Variants in UVSSA observed in about 807,000 individuals in gnomAD.
UVSSA encodes the protein UV stimulated scaffold protein A.
UVSSA carries 72 observed loss-of-function variants against 73.9 expected under a neutral mutation model. The ratio of observed to expected loss-of-function variants is 0.97; its 90% CI spans 0.81 to 1.19. UVSSA has a LOEUF of 1.19. UVSSA is among the 50% of genes most tolerant of loss of function. The pLI is 0.00. For synonymous variants in UVSSA, 454 were observed against 391.3 expected, an observed-to-expected ratio of 1.16 and a Z score of -1.89; for missense variants, 1,150 against 965.0, an observed-to-expected ratio of 1.19 and a Z score of -2.54.
chr4:1,395,343 G>T (rs1157584061), exon 14 of UVSSA: 2 of 1,543,122 alleles, frequency 1.3e-6, no homozygotes, highest in Non-Finnish European at 1.7e-6. Flanking sequence ...CCGATGTGGG[G>T]TGCCCGCCTG....
intron 8 of UVSSA, among the ~76,000 whole-genome samples, chr4:1,374,155 G>A (rs187300344): frequency 2.0e-5 from 3 of 152,292 alleles, no homozygotes; most frequent in East Asian, 3.9e-4. Context: ...GCTTCCCTGC[G>A]GTCCAGGTTC....
Position 1,360,517 on chromosome 4 carries a change from C to A in UVSSA, c.1176+5272C>A, listed in dbSNP as rs369804724. The stretch of plus-strand genomic sequence containing the variant: ...CCCGGCCTCCTTGTCCAGGCCTGGC[C>A]TCCTGATGAATGTAAGTGCGCCTGA... On this transcript the variant is annotated intron_variant, in intron 7 of 13. Transcript: ENST00000389851. Among the ~76,000 whole-genome samples, 71 of 152,286 alleles carry A rather than the reference C, an allele frequency of 4.7e-4. No homozygotes were observed. In the Middle Eastern group the frequency reaches 0.01, roughly 22 times the overall value.
In UVSSA at chr4:1,349,521, C is replaced by T; in HGVS notation, c.99-3C>T. Reference sequence around the variant, plus strand: ...GTTGGGTCAGGCCAGCTCGCATCCCCAGGTCTTCAGAGGAGCAGCTGAGCC... The same window carrying T: ...GTTGGGTCAGGCCAGCTCGCATCCCTAGGTCTTCAGAGGAGCAGCTGAGCC... On this transcript the variant is annotated splice_region_variant and splice_polypyrimidine_tract_variant and intron_variant, in intron 2 of 13. Coordinates refer to ENST00000389851, the MANE Select transcript of UVSSA (RefSeq NM_020894.4). 1 of 1,611,062 alleles carries T rather than the reference C, an allele frequency of 6.2e-7. No individual in the cohort carries two copies. The highest frequency in any genetic ancestry group is 8.5e-7 in the Non-Finnish European group (1 of 1,178,400).
intron 8 of UVSSA, among the ~76,000 whole-genome samples, chr4:1,369,251 G>C (rs1200224404): frequency 2.0e-5 from 3 of 152,368 alleles, no homozygotes; most frequent in South Asian, 4.1e-4. Context: ...ACCAGCCCCA[G>C]GCGAGGGCTG....
chr4:1,370,259 G>A (rs867026547), intron 8 of UVSSA, among the ~76,000 whole-genome samples: 1 of 152,172 alleles, frequency 6.6e-6, no homozygotes, highest in African/African-American at 2.4e-5. Flanking sequence ...GAGCATGTGC[G>A]TGTGTGCGTG....
At chr4:1,395,148 G>C (rs755445494) in exon 14 of UVSSA, 1 of 1,296,514 alleles carries the variant, frequency 7.7e-7, no homozygotes, top group South Asian at 1.2e-5. Flanking sequence ...CTGCTCACAC[G>C]TGCCCATGTG....
chr4:1,375,628 C>T (rs1277373966), intron 9 of UVSSA, 120 bp downstream of exon 9: 19 of 1,458,968 alleles, frequency 1.3e-5, no homozygotes, highest in Non-Finnish European at 1.6e-5. Flanking sequence ...TGGTGGAAGC[C>T]TTGGGTGTGT....
intron 7 of UVSSA, 133 bp downstream of exon 7, chr4:1,355,378 C>G (rs1715561920): frequency 2.3e-6 from 2 of 852,338 alleles, no homozygotes; most frequent in South Asian, 1.8e-5. Context: ...TCAGCCTCAG[C>G]AGGACCTGCC....
intron 7 of UVSSA, among the ~76,000 whole-genome samples, chr4:1,365,006 G>C (rs1334895591): frequency 1.3e-5 from 2 of 152,218 alleles, no homozygotes; most frequent in Admixed American, 1.3e-4. Flanking sequence ...CTGGGCCGTG[G>C]TGGGGCTGTT....
chr4:1,369,358 C>T (rs992650736), intron 8 of UVSSA, among the ~76,000 whole-genome samples: 2 of 152,232 alleles, frequency 1.3e-5, no homozygotes, highest in Admixed American at 1.3e-4. Context: ...ACCCCGGGGG[C>T]CCCAGGAGTG....
chr4:1,358,451 A>G (rs1320022934), intron 7 of UVSSA: 1 of 152,236 alleles, frequency 6.6e-6, no homozygotes, highest in African/African-American at 2.4e-5. Context: ...CTTCTCCGCA[A>G]ACTGGTTTCT....
chr4:1,395,788 G>A (rs746348588), exon 14 of UVSSA: 3 of 1,614,092 alleles, frequency 1.9e-6, no homozygotes, highest in African/African-American at 2.7e-5. Flanking sequence ...ACTCATGGTG[G>A]CTTTTTAATA....
chr4:1,367,476 T>C (rs1560460934), intron 8 of UVSSA, among the ~76,000 whole-genome samples: 1 of 152,096 alleles, frequency 6.6e-6, no homozygotes, highest in Non-Finnish European at 1.5e-5. Flanking sequence ...CCATTAAGGG[T>C]GTCATGCCGA....
At position 1,354,903 on chromosome 4, in the gene UVSSA, TG is replaced by T. The variant is rs33989352; in HGVS notation, c.1047+64del. 148 of 1,465,814 alleles carry T rather than the reference TG, an allele frequency of 1.0e-4. 2 individuals are homozygous for T. In the East Asian group the frequency reaches 1.1e-3, roughly 11 times the overall value. 90.8% of individuals were successfully genotyped at this position (1,465,814 alleles called of 1,614,324 possible). On this transcript the variant is annotated intron_variant, in intron 6 of 13. Transcript: ENST00000389851. ...AGGGACGTGTGCAGAGTGCCATGCATGGGGGGGGTCCCTTTCTTGGGGGGAC... is the reference window on the plus strand; with the variant it reads ...AGGGACGTGTGCAGAGTGCCATGCATGGGGGGGTCCCTTTCTTGGGGGGAC...
upstream of UVSSA, among the ~76,000 whole-genome samples, chr4:1,344,687 A>T (rs964223620): frequency 5.9e-5 from 9 of 152,188 alleles, no homozygotes; most frequent in Non-Finnish European, 1.2e-4. Flanking sequence ...ATTTTCAGGG[A>T]CTGTATGTTT....
chr4:1,352,578 C>T (rs1339517055), intron 4 of UVSSA, among the ~76,000 whole-genome samples: 1 of 152,248 alleles, frequency 6.6e-6, no homozygotes, highest in Non-Finnish European at 1.5e-5. Context: ...CCTGCGCACT[C>T]GTGCTTGCTA....
upstream of UVSSA, among the ~76,000 whole-genome samples, chr4:1,342,986 A>C (rs1713480570): frequency 6.6e-6 from 1 of 151,908 alleles, no homozygotes; most frequent in African/African-American, 2.4e-5. Flanking sequence ...ATTTCCACGC[A>C]CGTTGTAAAA....
intron 7 of UVSSA, among the ~76,000 whole-genome samples, chr4:1,355,490 G>T (rs1715582812): frequency 6.6e-6 from 1 of 152,244 alleles, no homozygotes; most frequent in Non-Finnish European, 1.5e-5. Context: ...TAGCTGAGCA[G>T]AAGTGCTGAG....
chr4:1,378,770 C>T (rs954786834), intron 10 of UVSSA, among the ~76,000 whole-genome samples: 12 of 152,194 alleles, frequency 7.9e-5, no homozygotes, highest in African/African-American at 2.2e-4. Context: ...AGCATTTGGC[C>T]GGGCGGTCAG....
Sources: allele counts gnomAD v4.1 joint callset (sites outside exome capture counted in the v4.1 genomes callset), GRCh38; gene constraint gnomAD v4.1.1; transcripts MANE v1.5; gene names NCBI Gene and HGNC (gene_info 2026-07-23, HGNC 2026-07-21).